DMXL2: variants seen among roughly 807,000 people sequenced by gnomAD.
The protein encoded by DMXL2 is dmX-like protein 2.
In DMXL2, 103 loss-of-function variants were observed where a neutral mutation model predicts 331.1. That is an observed-to-expected ratio of 0.31 (90% confidence interval 0.27 to 0.37). The LOEUF (loss-of-function observed/expected upper bound fraction) is 0.37. Among genes scored for constraint, DMXL2 ranks in the 10% least tolerant of loss-of-function variants. The probability of loss-of-function intolerance (pLI) is 1.00; values close to 1 mark genes in which losing one functional copy is unlikely to be tolerated. For synonymous variants in DMXL2, 1,281 were observed against 1,252.1 expected, an observed-to-expected ratio of 1.02 and a Z score of -0.49; for missense variants, 3,171 against 3,642.9, an observed-to-expected ratio of 0.87 and a Z score of 3.33.
chr15:51,619,697 T>C (rs1345489556), intron 1 of DMXL2, among the ~76,000 whole-genome samples: 1 of 152,236 alleles, frequency 6.6e-6, no homozygotes, highest in Non-Finnish European at 1.5e-5. Flanking sequence ...AAATAAAGTA[T>C]GTATTGTATT....
rs71127197 is a variant in DMXL2 at position 51,566,232 on chromosome 15, GGTGTGTGTGTGTGTGTGTGTGTGTGT to G, written c.286-1092_286-1067del. On this transcript the variant is annotated intron_variant, in intron 3 of 43. Coordinates refer to ENST00000560891, the MANE Select transcript of DMXL2 (RefSeq NM_001378457.1). ...ATATCTAAAAAAAATGTGTGTGTGG[GGTGTGTGTGTGTGTGTGTGTGTGTGT>G]GTGTGTGTGTGTGTGTGTGTGCATC... 6.1e-3 allele frequency among the ~76,000 whole-genome samples: 886 copies of G among 144,810 alleles called. 13 individuals are homozygous for G. The highest frequency in any genetic ancestry group is 0.021 in the African/African-American group (812 of 38,768).
chr15:51,478,323 C>A lies in DMXL2; in HGVS notation c.6781G>T (p.Ala2261Ser). The A allele has an allele frequency of 6.2e-7, 1 of 1,613,138 alleles. No individual in the cohort carries two copies. The highest frequency in any genetic ancestry group is 8.5e-7 in the Non-Finnish European group (1 of 1,179,446). The change falls in exon 26 of 44, where the codon GCA (alanine) becomes TCA (serine). Residue 2261 changes from alanine to serine, a missense_variant. By Grantham distance (99) the Ala-to-Ser change is moderately conservative (BLOSUM62 1). Around this residue, in one of 7 missense-constraint regions of DMXL2, gnomAD observed 18 missense variants for 40.9 expected, o/e 0.44. Coordinates refer to ENST00000560891, the MANE Select transcript of DMXL2 (RefSeq NM_001378457.1). ...VKVHTLHSLA[A>S]SLSASIYQAL... ...TGGTAAATTGATGCAGAAAGTGATG[C>A]TGCTAGTGAATGAAGTGTGTGCACC...
intron 43 of DMXL2, among the ~76,000 whole-genome samples, chr15:51,449,562 T>G (rs1432898592): frequency 2.6e-5 from 4 of 152,214 alleles, no homozygotes; most frequent in Non-Finnish European, 5.9e-5. Flanking sequence ...TGACAAGACT[T>G]TTTGACTTTA....
intron 1 of DMXL2, among the ~76,000 whole-genome samples, chr15:51,614,750 T>C (rs551104237): frequency 4.3e-4 from 66 of 152,226 alleles, no homozygotes; most frequent in African/African-American, 1.5e-3. Context: ...GAAATAGCAA[T>C]AGAGGGCATT....
At chr15:51,590,262 G>T (rs2052192946) in intron 1 of DMXL2, among the ~76,000 whole-genome samples, 1 of 152,316 alleles carries the variant, frequency 6.6e-6, no homozygotes, top group Non-Finnish European at 1.5e-5. Context: ...AATGTAGCAG[G>T]TATTAACAGG....
At chr15:51,462,037 T>C (rs1019324735) in intron 33 of DMXL2, among the ~76,000 whole-genome samples, 5 of 152,182 alleles carry the variant, frequency 3.3e-5, no homozygotes, top group African/African-American at 1.2e-4. Flanking sequence ...AGCTTATAAC[T>C]AGGACTCAAA....
intron 1 of DMXL2, among the ~76,000 whole-genome samples, chr15:51,610,841 C>T (rs549574296): frequency 8.9e-4 from 135 of 151,950 alleles, no homozygotes; most frequent in African/African-American, 2.6e-3. Context: ...AAGTACATAC[C>T]GCATGCCACT....
chr15:51,453,689 T>G, intron 40 of DMXL2, 48 bp from the exon 41 acceptor site: 1 of 1,472,646 alleles, frequency 6.8e-7, no homozygotes, highest in South Asian at 1.1e-5. Flanking sequence ...TTGGATAAAA[T>G]TTGATACAGT....
Position 51,464,754 on chromosome 15 carries a change from G to A in DMXL2, c.7729C>T (p.Pro2577Ser). The A allele has an allele frequency of 6.2e-7, 1 of 1,614,102 alleles. No individual in the cohort carries two copies. ...GPPPNYINTY[P>S]TDLSVGAGPA... ...CCAGCTCCCACTGAAAGGTCAGTTG[G>A]ATATGTGTTGATATAGTTAGGGGGT... The change falls in exon 32 of 44, where the codon CCA becomes TCA. Residue 2577 changes from proline (P) to serine (S), a missense_variant. Around this residue, in one of 7 missense-constraint regions of DMXL2, gnomAD observed 766 missense variants for 940.5 expected, o/e 0.81. Coordinates refer to ENST00000560891, the MANE Select transcript of DMXL2 (RefSeq NM_001378457.1).
At chr15:51,600,727 CG>C (rs1450820349) in intron 1 of DMXL2, among the ~76,000 whole-genome samples, 2 of 152,140 alleles carry the variant, frequency 1.3e-5, no homozygotes, top group Admixed American at 6.5e-5. Context: ...AAACTGGACA[CG>C]GATAGGACAA....
intron 28 of DMXL2, 104 bp from the exon 29 acceptor site, chr15:51,471,505 A>C: frequency 9.0e-7 from 1 of 1,112,994 alleles, no homozygotes. Flanking sequence ...TTTTGGTCTA[A>C]ACTAAATTAC....
At chr15:51,482,359 C>T (rs546315794) in intron 23 of DMXL2, among the ~76,000 whole-genome samples, 1 of 151,990 alleles carries the variant, frequency 6.6e-6, no homozygotes, top group Non-Finnish European at 1.5e-5. Context: ...ACATAGATAG[C>T]AAATAACTAT....
intron 1 of DMXL2, among the ~76,000 whole-genome samples, chr15:51,579,268 G>T (rs551497344): frequency 1.3e-5 from 2 of 152,110 alleles, no homozygotes; most frequent in Non-Finnish European, 2.9e-5. Flanking sequence ...TAATAACCAT[G>T]ATTACTGCTA....
At chr15:51,457,691 A>G in intron 36 of DMXL2, 1 of 441,494 alleles carries the variant, frequency 2.3e-6, no homozygotes, top group Non-Finnish European at 4.0e-6. Context: ...GGACAACTTT[A>G]TTGCTGCACA....
At chr15:51,517,926 AG>A (rs2047128270) in intron 13 of DMXL2, among the ~76,000 whole-genome samples, 1 of 152,220 alleles carries the variant, frequency 6.6e-6, no homozygotes, top group African/African-American at 2.4e-5. Context: ...AATTGATTCT[AG>A]GGTTATTAGA....
At chr15:51,507,024 T>G (rs2046445201) in intron 16 of DMXL2, 110 bp downstream of exon 16, 18 of 836,336 alleles carry the variant, frequency 2.2e-5, no homozygotes, top group Non-Finnish European at 3.0e-5. Flanking sequence ...ATTCAGCAAC[T>G]CAATTTACAG....
At chr15:51,507,919 T>A (rs139613861) in intron 15 of DMXL2, among the ~76,000 whole-genome samples, 1 of 152,260 alleles carries the variant, frequency 6.6e-6, no homozygotes, top group African/African-American at 2.4e-5. Flanking sequence ...CTTGTATATA[T>A]AATTTTCCCT....
At chr15:51,551,795 A>T (rs2049238868) in intron 6 of DMXL2, among the ~76,000 whole-genome samples, 1 of 152,238 alleles carries the variant, frequency 6.6e-6, no homozygotes, top group Non-Finnish European at 1.5e-5. Context: ...TACATTTCCT[A>T]ATCCCACAGA....
intron 1 of DMXL2, among the ~76,000 whole-genome samples, chr15:51,603,146 T>C (rs7176044): frequency 0.48 from 72,991 of 151,956 alleles, 17,892 homozygotes; most frequent in Non-Finnish European, 0.52. Context: ...ATATCAATGA[T>C]ATTAACAGAA....
Sources: gnomAD v4.1 joint callset for allele counts (sites outside exome capture counted in the v4.1 genomes callset) on GRCh38, gnomAD v4.1.1 for gene constraint, gnomAD v4.1.1 regional missense constraint, MANE v1.5 for transcripts, NCBI Gene and HGNC (gene_info 2026-07-23, HGNC 2026-07-21) for gene names.